Variants in CCDC149 observed in about 807,000 individuals in gnomAD.
CCDC149 encodes coiled-coil domain-containing protein 149.
CCDC149 carries 45 observed loss-of-function variants against 59.9 expected under a neutral mutation model. The observed-to-expected ratio is 0.75, with a 90% CI of 0.59 to 0.96. CCDC149 has a LOEUF of 0.96. CCDC149 is among the 40% of genes least tolerant of loss of function. The probability of loss-of-function intolerance (pLI) is 0.00; values close to 1 mark genes in which losing one functional copy is unlikely to be tolerated. For missense variants in CCDC149, 584 were observed against 664.7 expected, an observed-to-expected ratio of 0.88 and a Z score of 1.33; for synonymous variants, 245 against 260.6, an observed-to-expected ratio of 0.94 and a Z score of 0.58.
chr4:24,895,296 A>G (rs918144120), intron 1 of CCDC149, among the ~76,000 whole-genome samples: 17 of 152,170 alleles, frequency 1.1e-4, no homozygotes, highest in African/African-American at 3.9e-4. Context: ...GTGCACATGT[A>G]AAAATGCACT....
intron 1 of CCDC149, among the ~76,000 whole-genome samples, chr4:24,910,994 T>G (rs1314238012): frequency 1.3e-5 from 2 of 152,152 alleles, no homozygotes; most frequent in Non-Finnish European, 2.9e-5. Flanking sequence ...CGTGCCCACC[T>G]CATGTTTGTG....
rs771264664 is a variant in CCDC149, at chr4:24,912,842, C to T, written c.38G>A (p.Ser13Asn). ...CTCGCTCACCAGCCCCTGCCAGTCG[C>T]TCTCAGTCCGGTCGCCGTTCATGGC... is the stretch of plus-strand genomic sequence containing the variant. Residue 13 changes from serine (S) to asparagine (N), a missense_variant, in exon 1 of 13, where the codon AGC becomes AAC. Ser to Asn is a conservative substitution (Grantham distance 46). Coordinates refer to ENST00000635206, the MANE Select transcript of CCDC149 (RefSeq NM_001330643.2). 20 of 1,380,444 alleles carry T rather than the reference C, an allele frequency of 1.4e-5. No individual in the cohort carries two copies. The highest frequency in any genetic ancestry group is 1.9e-5 in the Non-Finnish European group (20 of 1,052,874). The allele number at this position is 1,380,444 out of a possible 1,614,324, so 85.5% of individuals were successfully genotyped here.
At chr4:24,978,276 T>G (rs1724292842) in intron 1 of CCDC149, among the ~76,000 whole-genome samples, 1 of 152,246 alleles carries the variant, frequency 6.6e-6, no homozygotes, top group Admixed American at 6.5e-5. Flanking sequence ...TTTCACAGAC[T>G]TGATTTTTTT....
chr4:24,958,918 A>G (rs1723552850), intron 1 of CCDC149, among the ~76,000 whole-genome samples: 1 of 151,898 alleles, frequency 6.6e-6, no homozygotes, highest in African/African-American at 2.4e-5. Context: ...TCAGCTACTC[A>G]TGAGGCTGAG....
intron 12 of CCDC149, among the ~76,000 whole-genome samples, chr4:24,817,204 A>T (rs1715073228): frequency 1.3e-5 from 2 of 152,176 alleles, no homozygotes; most frequent in Non-Finnish European, 2.9e-5. Context: ...CAGCAAGCCT[A>T]GAACAGACAG....
intron 2 of CCDC149, among the ~76,000 whole-genome samples, chr4:24,874,145 A>G (rs1719230781): frequency 6.6e-6 from 1 of 152,060 alleles, no homozygotes; most frequent in Non-Finnish European, 1.5e-5. Context: ...AGACAGAGAA[A>G]GAGAGAGTTT....
In CCDC149 at chr4:24,943,903, G is replaced by A. The variant is rs527496460; in HGVS notation, c.-65+36166C>T. Among the ~76,000 whole-genome samples, 9 of 152,304 alleles carry A rather than the reference G, an allele frequency of 5.9e-5. No individual in the cohort carries two copies. The East Asian group carries it at 1.3e-3, about 23-fold the overall frequency. On this transcript the variant is annotated intron_variant, in intron 1 of 12. Coordinates refer to the CCDC149 transcript ENST00000389609. ...GTGATCATTAAAAAGTCAGGAAACA[G>A]GTGCTGGAGAGGATGTGGAGAAATA...
intron 1 of CCDC149, among the ~76,000 whole-genome samples, chr4:24,929,882 C>T (rs1010036514): frequency 1.3e-5 from 2 of 152,196 alleles, no homozygotes; most frequent in Admixed American, 1.3e-4. Context: ...CTCTGACTCT[C>T]TGCCTCTCCC....
intron 1 of CCDC149, among the ~76,000 whole-genome samples, chr4:24,907,043 C>T (rs1223947226): frequency 6.6e-6 from 1 of 152,202 alleles, no homozygotes; most frequent in African/African-American, 2.4e-5. Flanking sequence ...AGTGGTGTGG[C>T]TTCATATGCA....
At chr4:24,893,601 C>G (rs1720652944) in intron 1 of CCDC149, among the ~76,000 whole-genome samples, 1 of 95,004 alleles carries the variant, frequency 1.1e-5, no homozygotes, top group African/African-American at 3.7e-5. Flanking sequence ...CTAGCACAAT[C>G]TAAAATACAG....
At chr4:24,872,140 C>A (rs1483869504) in intron 3 of CCDC149, among the ~76,000 whole-genome samples, 3 of 152,200 alleles carry the variant, frequency 2.0e-5, no homozygotes, top group Non-Finnish European at 4.4e-5. Context: ...AGCCACAGGA[C>A]TTTTCAGGGA....
intron 9 of CCDC149, among the ~76,000 whole-genome samples, chr4:24,824,038 C>T (rs1715570349): frequency 6.6e-6 from 1 of 152,186 alleles, no homozygotes; most frequent in African/African-American, 2.4e-5. Flanking sequence ...CAAGTTGATG[C>T]CTGTTTCTTA....
Position 24,860,246 on chromosome 4 carries a change from A to C in CCDC149, c.265-7067T>G, listed in dbSNP as rs548414255. On this transcript the variant is annotated intron_variant, in intron 3 of 12. Transcript: ENST00000635206. ...GCATGGTACTGACACAAAAACAGCA[A>C]CATAGATCAATGGAGCAGAATAGAG... 3.0e-4 allele frequency among the ~76,000 whole-genome samples: 46 copies of C among 152,338 alleles called. No individual in the cohort carries two copies. In the South Asian group the frequency reaches 8.9e-3, roughly 29 times the overall value.
At chr4:24,917,895 G>A (rs1722177016), upstream of CCDC149, among the ~76,000 whole-genome samples, 1 of 152,112 alleles carries the variant, frequency 6.6e-6, no homozygotes, top group African/African-American at 2.4e-5. Flanking sequence ...CAGGGCCCGT[G>A]CTGCTGACGG....
intron 1 of CCDC149, among the ~76,000 whole-genome samples, chr4:24,947,096 T>C (rs1723132300): frequency 1.3e-5 from 2 of 152,212 alleles, no homozygotes; most frequent in African/African-American, 4.8e-5. Flanking sequence ...TCCCCCTTTA[T>C]TAATTTACTA....
At chr4:24,822,475 G>T in intron 10 of CCDC149, 22 bp downstream of exon 10, 10 of 1,392,866 alleles carry the variant, frequency 7.2e-6, no homozygotes, top group Admixed American at 6.2e-5. Flanking sequence ...AAGGAAAATT[G>T]TTTTCATGAG....
At chr4:24,922,350 T>C (rs1347644492) in intron 1 of CCDC149, among the ~76,000 whole-genome samples, 1 of 151,830 alleles carries the variant, frequency 6.6e-6, no homozygotes, top group African/African-American at 2.4e-5. Context: ...TCCCAGTGAA[T>C]GCATCACCAT....
At chr4:24,876,505 A>G (rs754336622) in intron 2 of CCDC149, 31 bp downstream of exon 2, 1 of 1,574,952 alleles carries the variant, frequency 6.3e-7, no homozygotes, top group Non-Finnish European at 8.6e-7. Context: ...GGGAACAGGA[A>G]AGTCGCTGAA....
intron 3 of CCDC149, among the ~76,000 whole-genome samples, chr4:24,871,008 G>A (rs1015228701): frequency 1.4e-5 from 2 of 139,462 alleles, no homozygotes; most frequent in African/African-American, 5.5e-5. Context: ...TAGCGCCACC[G>A]CACTCCAGCC....
Sources: gnomAD v4.1 joint callset for allele counts (sites outside exome capture counted in the v4.1 genomes callset) on GRCh38, gnomAD v4.1.1 for gene constraint, MANE v1.5 for transcripts, NCBI Gene and HGNC (gene_info 2026-07-23, HGNC 2026-07-21) for gene names.